The following ASPH variants were observed in gnomAD, a reference collection of about 807,000 sequenced individuals.
ASPH encodes aspartate beta-hydroxylase, also known as aspartyl/asparaginyl beta-hydroxylase.
ASPH carries 100 observed loss-of-function variants against 118.4 expected under a neutral mutation model. The observed-to-expected ratio is 0.84, with a 90% confidence interval of 0.72 to 1.00. ASPH has a LOEUF of 1.00. Among genes scored for constraint, ASPH ranks in the 50% least tolerant of loss-of-function variants. The pLI, the probability that ASPH is intolerant of heterozygous loss-of-function variation, is 0.00. For synonymous variants in ASPH, 315 were observed against 325.6 expected (o/e 0.97, Z 0.35); for missense variants, 920 against 919.5 (o/e 1.00, Z -0.01).
chr8:61,566,566 A>G (rs901546348), intron 17 of ASPH, among the ~76,000 whole-genome samples: 1 of 152,252 alleles, frequency 6.6e-6, no homozygotes, highest in Non-Finnish European at 1.5e-5. Context: ...TGTAGGCAAA[A>G]TACTGTCAAA....
chr8:61,552,304 T>C lies in ASPH; in HGVS notation c.1626+727A>G, dbSNP rs115963198. Among the ~76,000 whole-genome samples the C allele has an allele frequency of 7.8e-3, 1,181 of 152,342 alleles. 15 individuals carry two copies. The highest frequency in any genetic ancestry group is 0.027 in the African/African-American group (1,114 of 41,568). ...AATCATGGTAGACTGTGACAGAGTT[T>C]TGAAATTTATAGCATGCGATGTCAT... On this transcript the variant is annotated intron_variant, in intron 20 of 24. Transcript: ENST00000379454.
At chr8:61,563,999 A>G (rs1830818286) in intron 17 of ASPH, among the ~76,000 whole-genome samples, 1 of 152,296 alleles carries the variant, frequency 6.6e-6, no homozygotes, top group East Asian at 1.9e-4. Context: ...TCTCAAGGAC[A>G]TTCTGAGAGG....
intron 22 of ASPH, 121 bp from the exon 23 acceptor site, chr8:61,518,244 G>A: frequency 2.5e-6 from 2 of 790,296 alleles, no homozygotes; most frequent in Non-Finnish European, 4.0e-6. Flanking sequence ...GAGTAAACAT[G>A]AGAAGATGAA....
chr8:61,695,376 G>A (rs1029071997), intron 1 of ASPH, among the ~76,000 whole-genome samples: 18 of 152,116 alleles, frequency 1.2e-4, no homozygotes, highest in African/African-American at 4.1e-4. Flanking sequence ...GCCCCAGCCC[G>A]TGGCTCCAGT....
chr8:61,665,449 C>T, intron 3 of ASPH: 2 of 1,584,306 alleles, frequency 1.3e-6, no homozygotes, highest in Middle Eastern at 1.7e-4. Context: ...CCTTTTTACC[C>T]TTAGGAGACT....
chr8:61,553,601 A>ATT lies in ASPH; in HGVS notation c.1537-483_1537-482dup, dbSNP rs35343441. On this transcript the variant is annotated intron_variant, in intron 19 of 24. Transcript: ENST00000379454. ...ACAAATGTGTCCTTACCTTTTAATGATTTTTTTTTTTTTTACAAAACATAC... is the reference window on the plus strand; with the variant it reads ...ACAAATGTGTCCTTACCTTTTAATGATTTTTTTTTTTTTTTTACAAAACATAC... Among the ~76,000 whole-genome samples the ATT allele has an allele frequency of 7.0e-4, 92 of 131,152 alleles. 1 individual carries two copies. The Middle Eastern group carries it at 0.026, about 38-fold the overall frequency. The allele number at this position is 131,152 out of a possible 152,430, so 86.0% of individuals were successfully genotyped here.
chr8:61,553,644 T>C (rs1280831379), intron 19 of ASPH, among the ~76,000 whole-genome samples: 1 of 152,126 alleles, frequency 6.6e-6, no homozygotes, highest in South Asian at 2.1e-4. Flanking sequence ...TTAAAGCCAA[T>C]TTGAATCTTT....
chr8:61,621,550 G>A (rs905588484), intron 13 of ASPH, among the ~76,000 whole-genome samples: 12 of 152,250 alleles, frequency 7.9e-5, no homozygotes, highest in Admixed American at 7.8e-4. Flanking sequence ...GTGCCAAAGA[G>A]GAAAATGACT....
chr8:61,500,707 A>ACAT lies in ASPH; in HGVS notation c.*2649_*2651dup, dbSNP rs1804706059. ...TTCCAAGACCAGTGCATATTTTTAG[A>ACAT]CATCTCTTATTCGCCCAGCCATCTG... is the stretch of plus-strand genomic sequence containing the variant. On this transcript the variant is annotated 3_prime_UTR_variant, in exon 25 of 25. Transcript: ENST00000379454. 4 of 152,348 alleles carry ACAT rather than the reference A, an allele frequency of 2.6e-5. No homozygotes were observed. Among genetic ancestry groups the ACAT allele is most frequent in the Non-Finnish European group, 4.4e-5 (3 of 68,034 alleles). 9.4% of individuals were successfully genotyped at this position (152,348 alleles called of 1,614,324 possible).
In ASPH at chr8:61,689,812, G is replaced by A. The variant is rs548069599; in HGVS notation, c.104-5624C>T. On this transcript the variant is annotated intron_variant, in intron 1 of 24. Coordinates refer to ENST00000379454, the MANE Select transcript of ASPH (RefSeq NM_004318.4). The stretch of plus-strand genomic sequence containing the variant: ...CACTTGCCTACCAGAGCTTGAGACT[G>A]GCCAATCCCTGCACTGTAAGGGCCT... 1.4e-4 allele frequency: 210 copies of A among 1,473,968 alleles called. 1 individual carries two copies. In the African/African-American group the frequency reaches 2.9e-3, roughly 20 times the overall value. The allele number at this position is 1,473,968 out of a possible 1,614,324, so 91.3% of individuals were successfully genotyped here.
chr8:61,519,419 C>T (rs1231775065), intron 22 of ASPH, among the ~76,000 whole-genome samples: 2 of 152,078 alleles, frequency 1.3e-5, no homozygotes, highest in African/African-American at 4.8e-5. Flanking sequence ...CTTACATAAG[C>T]GGACCCATAA....
chr8:61,602,528 C>A (rs1289609177), intron 14 of ASPH, among the ~76,000 whole-genome samples: 8 of 151,354 alleles, frequency 5.3e-5, no homozygotes, highest in Non-Finnish European at 1.2e-4. Context: ...CCCTCTCCTG[C>A]CCCCAAGATC....
At chr8:61,683,838 C>T (rs1179939968) in intron 2 of ASPH, 2 of 517,690 alleles carry the variant, frequency 3.9e-6, no homozygotes, top group Non-Finnish European at 6.5e-6. Context: ...TTTCAAAAAC[C>T]TACAGGTCAC....
chr8:61,689,687 AT>A, intron 1 of ASPH: 2 of 1,590,294 alleles, frequency 1.3e-6, no homozygotes, highest in Non-Finnish European at 1.7e-6. Flanking sequence ...ATCTTCAGCC[AT>A]TTTGATTTCT....
chr8:61,661,165 C>T (rs970573291), intron 3 of ASPH: 2 of 152,166 alleles, frequency 1.3e-5, no homozygotes, highest in Non-Finnish European at 1.5e-5. Flanking sequence ...AATCAGGCTC[C>T]ACTATACTCA....
intron 16 of ASPH, among the ~76,000 whole-genome samples, chr8:61,569,649 A>G (rs1052899278): frequency 3.3e-5 from 5 of 152,230 alleles, no homozygotes; most frequent in Admixed American, 3.3e-4. Context: ...ATTACCCAAG[A>G]TGATGAGAAC....
intron 3 of ASPH, chr8:61,656,339 G>A (rs1231751823): frequency 6.6e-6 from 1 of 152,202 alleles, no homozygotes; most frequent in Non-Finnish European, 1.5e-5. Context: ...CTGCATCGCA[G>A]GTCAAGCTTC....
chr8:61,522,483 C>T (rs544349716), intron 22 of ASPH, among the ~76,000 whole-genome samples: 2 of 152,058 alleles, frequency 1.3e-5, no homozygotes, highest in Non-Finnish European at 2.9e-5. Flanking sequence ...TTGGCTGCAT[C>T]CCCACCCAAA....
intron 24 of ASPH, among the ~76,000 whole-genome samples, chr8:61,507,620 T>C (rs1409871313): frequency 6.6e-6 from 1 of 150,916 alleles, no homozygotes; most frequent in East Asian, 2.0e-4. Context: ...CTTAAGTGAC[T>C]CCAGGTTAAA....
Sources: allele counts gnomAD v4.1 joint callset (sites outside exome capture counted in the v4.1 genomes callset), GRCh38; gene constraint gnomAD v4.1.1; transcripts MANE v1.5; gene names NCBI Gene and HGNC (gene_info 2026-07-23, HGNC 2026-07-21).